Variants in DUSP4 observed in about 807,000 individuals in gnomAD.
DUSP4 encodes the protein dual specificity phosphatase 4.
DUSP4 carries 12 observed loss-of-function variants against 27.2 expected under a neutral mutation model. The observed-to-expected ratio is 0.44, with a 90% CI of 0.28 to 0.71. DUSP4 has a LOEUF of 0.71. Among genes scored for constraint, DUSP4 ranks in the 30% least tolerant of loss-of-function variants. DUSP4 has a pLI of 0.14. For synonymous variants in DUSP4, 257 were observed against 245.2 expected (o/e 1.05, Z -0.45); for missense variants, 448 against 551.3 (o/e 0.81, Z 1.88).
At position 29,337,787 on chromosome 8, in the gene DUSP4, C is replaced by G. The variant is rs1266568152; in HGVS notation, c.800-376G>C. On this transcript the variant is annotated intron_variant, in intron 3 of 3. Coordinates refer to ENST00000240100, the MANE Select transcript of DUSP4 (RefSeq NM_001394.7). The surrounding 1 kb of genome is among the most constrained non-coding windows in gnomAD (Gnocchi z 6.4). ...CCTGGGCAATATGATGAAACTGTCT[C>G]TACAAAAATACAAAAATTAGCTGGG... Among the ~76,000 whole-genome samples the G allele has an allele frequency of 3.3e-5, 5 of 151,996 alleles. No homozygotes were observed. Among genetic ancestry groups the G allele is most frequent in the African/African-American group, 1.2e-4 (5 of 41,370 alleles).
At chr8:29,347,563 C>G (rs1817753360) in intron 1 of DUSP4, among the ~76,000 whole-genome samples, 1 of 152,254 alleles carries the variant, frequency 6.6e-6, no homozygotes, top group Admixed American at 6.5e-5. Flanking sequence ...AGCTGAACTT[C>G]TGGCTAGGAG....
chr8:29,340,084 C>T lies in DUSP4; in HGVS notation c.579+14G>A, dbSNP rs1009575987. The T allele has an allele frequency of 2.6e-6, 4 of 1,555,256 alleles. No homozygotes were observed. Among genetic ancestry groups the T allele is most frequent in the Admixed American group, 1.9e-5 (1 of 51,354 alleles). On this transcript the variant is annotated intron_variant, in intron 2 of 3. Coordinates refer to ENST00000240100, the MANE Select transcript of DUSP4 (RefSeq NM_001394.7). ...TCCTGCCCCCCACTTCCAAGCCCTGCCCCCCGAGTCTACCTGGTCGTGTAG... is the reference window on the plus strand; with the variant it reads ...TCCTGCCCCCCACTTCCAAGCCCTGTCCCCCGAGTCTACCTGGTCGTGTAG...
chr8:29,343,994 A>C (rs1817691017), intron 1 of DUSP4, among the ~76,000 whole-genome samples: 1 of 152,216 alleles, frequency 6.6e-6, no homozygotes, highest in African/African-American at 2.4e-5. Context: ...AAAAATCATG[A>C]AAGGGAAAGC....
chr8:29,338,520 A>G lies in DUSP4; in HGVS notation c.580-19T>C. ...GACCCCCCTGCACAGAAAGGGAAAC[A>G]AAGGCCCCTGAATGACATGAGGGTA... is the stretch of plus-strand genomic sequence containing the variant. On this transcript the variant is annotated intron_variant, in intron 2 of 3. Transcript: ENST00000240100. The G allele has an allele frequency of 1.2e-6, 2 of 1,608,412 alleles. No individual in the cohort carries two copies. The highest frequency in any genetic ancestry group is 1.7e-6 in the Non-Finnish European group (2 of 1,177,878).
rs1817808011 is a variant in DUSP4 at position 29,350,517 on chromosome 8, G to A, written c.-239C>T. On this transcript the variant is annotated 5_prime_UTR_variant, in exon 1 of 4. Transcript: ENST00000240100. ...CGCCCAGCCGGGCGGCGCGCAGAGCGGAGGGGGAGGCGCCGGTGGAGGAGA... is the reference window on the plus strand; with the variant it reads ...CGCCCAGCCGGGCGGCGCGCAGAGCAGAGGGGGAGGCGCCGGTGGAGGAGA... 1 of 535,156 alleles carries A rather than the reference G, an allele frequency of 1.9e-6. No individual in the cohort carries two copies. The highest frequency in any genetic ancestry group is 3.2e-6 in the Non-Finnish European group (1 of 308,804). 33.2% of individuals were successfully genotyped at this position (535,156 alleles called of 1,614,324 possible). A position where few individuals can be genotyped will look rare whatever the true frequency, so the allele number is the denominator to read the frequency against.
intron 1 of DUSP4, among the ~76,000 whole-genome samples, chr8:29,347,330 T>C (rs898855243): frequency 6.6e-6 from 1 of 152,208 alleles, no homozygotes; most frequent in Non-Finnish European, 1.5e-5. Flanking sequence ...TTTTTCCTTC[T>C]GACCTCTCTA....
Position 29,336,994 on chromosome 8 carries a change from C to A in DUSP4, c.*32G>T. 1 of 1,544,984 alleles carries A rather than the reference C, an allele frequency of 6.5e-7. No individual in the cohort carries two copies. The highest frequency in any genetic ancestry group is 2.3e-5 in the East Asian group (1 of 43,054). On this transcript the variant is annotated 3_prime_UTR_variant, in exon 4 of 4. Coordinates refer to ENST00000240100, the MANE Select transcript of DUSP4 (RefSeq NM_001394.7). ...CGGCCCGTCCTACCCTTGCTGGGAG[C>A]CAGCTCTGGTTCTGGGGCCCCCAGG...
intron 1 of DUSP4, among the ~76,000 whole-genome samples, chr8:29,341,133 C>T (rs1465573992): frequency 6.6e-6 from 1 of 152,162 alleles, no homozygotes; most frequent in Non-Finnish European, 1.5e-5. Context: ...ACAGTGCTAT[C>T]AATGTATGGC....
intron 1 of DUSP4, 105 bp downstream of exon 1, chr8:29,349,741 A>C: frequency 2.2e-6 from 3 of 1,380,166 alleles, no homozygotes; most frequent in Non-Finnish European, 2.8e-6. Flanking sequence ...GGATCCCCGC[A>C]ACCACGAATC....
intron 1 of DUSP4, chr8:29,347,879 G>A (rs1817757793): frequency 1.2e-5 from 12 of 985,698 alleles, no homozygotes; most frequent in African/African-American, 1.7e-5. Context: ...AGGAGGTTGG[G>A]GAGGGAGGAC....
chr8:29,339,838 C>A (rs868533485), intron 2 of DUSP4, among the ~76,000 whole-genome samples: 3 of 140,086 alleles, frequency 2.1e-5, no homozygotes, highest in African/African-American at 7.8e-5. Context: ...ACCCCCCCCC[C>A]CCATCTCTAC....
intron 1 of DUSP4, chr8:29,348,149 G>A: frequency 1.0e-6 from 1 of 985,566 alleles, no homozygotes; most frequent in Non-Finnish European, 1.2e-6. Flanking sequence ...AGCTGGTCCC[G>A]GGTTTGGACG....
Position 29,349,960 on chromosome 8 carries a change from C to A in DUSP4, c.319G>T (p.Val107Phe). 1 of 1,588,208 alleles carries A rather than the reference C, an allele frequency of 6.3e-7. No individual in the cohort carries two copies. ...LRSGLYSAVI[V>F]YDERSPRAES... ...GCGCGCGGGCTGCGCTCGTCGTAGA[C>A]GATGACCGCCGAGTAGAGGCCGGAG... Residue 107 changes from valine (V) to phenylalanine (F), a missense_variant, in exon 1 of 4, where the codon GTC (valine) becomes TTC (phenylalanine). Coordinates refer to ENST00000240100, the MANE Select transcript of DUSP4 (RefSeq NM_001394.7).
chr8:29,345,691 C>A (rs1452409126), intron 1 of DUSP4: 4 of 1,411,786 alleles, frequency 2.8e-6, no homozygotes, highest in Non-Finnish European at 3.7e-6. Flanking sequence ...GTGGGTGGAG[C>A]CCACCTCTCC....
intron 1 of DUSP4, among the ~76,000 whole-genome samples, chr8:29,345,159 C>T: frequency 6.6e-6 from 1 of 152,184 alleles, no homozygotes; most frequent in Non-Finnish European, 1.5e-5. Flanking sequence ...CACTTTTTCC[C>T]CATTATGCCC....
intron 1 of DUSP4, chr8:29,348,161 C>T: frequency 1.0e-6 from 1 of 985,566 alleles, no homozygotes; most frequent in African/African-American, 1.7e-5. Context: ...GTTTGGACGC[C>T]AGCGAAGGAA....
chr8:29,338,541 G>T, intron 2 of DUSP4, 40 bp from the exon 3 acceptor site: 2 of 1,589,326 alleles, frequency 1.3e-6, no homozygotes, highest in South Asian at 1.1e-5. Flanking sequence ...AATGACATGA[G>T]GGTAAAGTGC....
intron 1 of DUSP4, among the ~76,000 whole-genome samples, chr8:29,344,831 CTT>C (rs1207397990): frequency 3.2e-4 from 46 of 144,822 alleles, no homozygotes; most frequent in East Asian, 1.6e-3. Context: ...GGTCATGGAT[CTT>C]TTTTTTTTTT....
chr8:29,338,148 CA>C, intron 3 of DUSP4, 133 bp downstream of exon 3: 2 of 886,668 alleles, frequency 2.3e-6, no homozygotes, highest in Non-Finnish European at 3.5e-6. Flanking sequence ...TAAGCCTTCC[CA>C]ATGAGGAAGA....
Sources: gnomAD v4.1 joint callset for allele counts (sites outside exome capture counted in the v4.1 genomes callset) on GRCh38, gnomAD v4.1.1 for gene constraint, Gnocchi (gnomAD v3.1) non-coding constraint, MANE v1.5 for transcripts, NCBI Gene and HGNC (gene_info 2026-07-23, HGNC 2026-07-21) for gene names.